HDGFL3: variants seen among roughly 807,000 people sequenced by gnomAD.
HDGFL3 encodes HDGF like 3, also known as hepatoma-derived growth factor-related protein 3.
In HDGFL3, 6 loss-of-function variants were observed where a neutral mutation model predicts 27.6. The ratio of observed to expected loss-of-function variants is 0.22; its 90% confidence interval spans 0.12 to 0.43. HDGFL3 has a LOEUF of 0.43. Ranked by LOEUF, HDGFL3 falls within the 20% of genes least tolerant of loss-of-function variation. The probability of loss-of-function intolerance (pLI) is 1.00; values close to 1 mark genes in which losing one functional copy is unlikely to be tolerated. For synonymous variants in HDGFL3, 88 were observed against 88.9 expected, an observed-to-expected ratio of 0.99 and a Z score of 0.05; for missense variants, 207 against 250.1, an observed-to-expected ratio of 0.83 and a Z score of 1.16.
At chr15:83,154,104 C>T (rs113265844) in intron 4 of HDGFL3, among the ~76,000 whole-genome samples, 6,861 of 151,206 alleles carry the variant, frequency 0.045, 213 homozygotes, top group Non-Finnish European at 0.069. Context: ...TGTTTGAGCT[C>T]AGGAGTTTGA....
intron 1 of HDGFL3, among the ~76,000 whole-genome samples, chr15:83,200,871 T>C (rs1235479639): frequency 6.6e-6 from 1 of 151,358 alleles, no homozygotes; most frequent in African/African-American, 2.4e-5. Context: ...TTTTTTTTTT[T>C]TTTTCACTTC....
chr15:83,118,262 C>T (rs2034882277), intron 3 of HDGFL3, among the ~76,000 whole-genome samples: 1 of 144,734 alleles, frequency 6.9e-6, no homozygotes, highest in Non-Finnish European at 1.5e-5. Context: ...CACACACACA[C>T]ACATACAGAG....
chr15:83,114,443 T>C (rs2034471111), exon 4 of HDGFL3: 1 of 152,272 alleles, frequency 6.6e-6, no homozygotes, highest in African/African-American at 2.4e-5. Context: ...CTTGGAGACA[T>C]ATGATGGCTA....
In HDGFL3 at chr15:83,136,567, A is replaced by G. The variant is rs1304884113; in HGVS notation, c.*2703T>C. ...CTGAAGAAGCAAAAATCCTTTTTTTAGCATTAAACATAGCATATGGAGTTC... is the reference window on the plus strand; with the variant it reads ...CTGAAGAAGCAAAAATCCTTTTTTTGGCATTAAACATAGCATATGGAGTTC... On this transcript the variant is annotated 3_prime_UTR_variant, in exon 6 of 6. Coordinates refer to ENST00000299633, the MANE Select transcript of HDGFL3 (RefSeq NM_016073.4). The G allele has an allele frequency of 1.2e-6, 2 of 1,613,658 alleles. No individual in the cohort carries two copies. Among genetic ancestry groups the G allele is most frequent in the South Asian group, 1.1e-5 (1 of 90,998 alleles).
chr15:83,168,602 A>T (rs2037201786), intron 1 of HDGFL3, among the ~76,000 whole-genome samples: 1 of 152,202 alleles, frequency 6.6e-6, no homozygotes. Context: ...TGAAACACGG[A>T]ACAGACCAAT....
intron 1 of HDGFL3, among the ~76,000 whole-genome samples, chr15:83,184,222 C>T (rs2037414083): frequency 6.6e-6 from 1 of 152,206 alleles, no homozygotes; most frequent in Admixed American, 6.5e-5. Context: ...TACATAAATA[C>T]TGCCAACTCT....
chr15:83,189,718 C>T (rs188824908), intron 1 of HDGFL3, among the ~76,000 whole-genome samples: 144 of 152,248 alleles, frequency 9.5e-4, no homozygotes, highest in African/African-American at 3.1e-3. Context: ...CCCTGGCACT[C>T]AGAACAGTAA....
chr15:83,182,263 A>G (rs1368818167), intron 1 of HDGFL3, among the ~76,000 whole-genome samples: 1 of 152,154 alleles, frequency 6.6e-6, no homozygotes, highest in Non-Finnish European at 1.5e-5. Context: ...TCATTTTAGT[A>G]GGCATGAAGT....
chr15:83,157,628 A>G, intron 3 of HDGFL3, 55 bp from the exon 4 acceptor site: 1 of 1,462,614 alleles, frequency 6.8e-7, no homozygotes, highest in Admixed American at 1.9e-5. Flanking sequence ...AGCAAAGAAC[A>G]AACACTGAAA....
intron 5 of HDGFL3, among the ~76,000 whole-genome samples, chr15:83,149,024 G>C (rs2036933703): frequency 6.6e-6 from 1 of 151,962 alleles, no homozygotes; most frequent in African/African-American, 2.4e-5. Context: ...TCACTTTATA[G>C]CTTTATAACC....
In HDGFL3 at chr15:83,137,223, T is replaced by C. The variant is rs1171129836; in HGVS notation, c.*2047A>G. ...AGAAAATTACTTTTACTAAATTTTT[T>C]TGTGTGAATTTAAACAGCTAAATAG... On this transcript the variant is annotated 3_prime_UTR_variant, in exon 6 of 6. Transcript: ENST00000299633. The C allele has an allele frequency of 6.6e-6, 1 of 152,228 alleles. No homozygotes were observed. The highest frequency in any genetic ancestry group is 1.5e-5 in the Non-Finnish European group (1 of 68,024). 9.4% of individuals were successfully genotyped at this position (152,228 alleles called of 1,614,324 possible).
rs1288882093 is a variant in HDGFL3, at chr15:83,137,277, T to C, written c.*1993A>G. The C allele has an allele frequency of 2.0e-5, 3 of 152,204 alleles. No homozygotes were observed. The highest frequency in any genetic ancestry group is 2.0e-4 in the Admixed American group (3 of 15,286). The allele number at this position is 152,204 out of a possible 1,614,324, so 9.4% of individuals were successfully genotyped here. A position where few individuals can be genotyped will look rare whatever the true frequency, so the allele number is the denominator to read the frequency against. ...TCAGTAACTTTATCTCTATCCTTAATGAACATTTGTTTTATTGGTGGCTGG... is the reference window on the plus strand; with the variant it reads ...TCAGTAACTTTATCTCTATCCTTAACGAACATTTGTTTTATTGGTGGCTGG... On this transcript the variant is annotated 3_prime_UTR_variant, in exon 6 of 6. Coordinates refer to ENST00000299633, the MANE Select transcript of HDGFL3 (RefSeq NM_016073.4).
At chr15:83,203,759 CAT>C (rs2037681210) in intron 1 of HDGFL3, among the ~76,000 whole-genome samples, 1 of 151,178 alleles carries the variant, frequency 6.6e-6, no homozygotes, top group Admixed American at 6.6e-5. Flanking sequence ...AATTTTAAAA[CAT>C]ATTGTTTTCA....
intron 5 of HDGFL3, among the ~76,000 whole-genome samples, chr15:83,148,808 A>G (rs574347046): frequency 2.9e-4 from 44 of 152,222 alleles, no homozygotes; most frequent in African/African-American, 1.0e-3. Context: ...AGTGAATGTT[A>G]TAAGTTTTTA....
chr15:83,157,337 A>G, intron 4 of HDGFL3, 78 bp downstream of exon 4: 1 of 1,389,316 alleles, frequency 7.2e-7, no homozygotes, highest in Non-Finnish European at 1.0e-6. Flanking sequence ...TGTACCCAAT[A>G]AACACATGGA....
intron 5 of HDGFL3, among the ~76,000 whole-genome samples, chr15:83,146,322 G>A (rs1596546527): frequency 6.6e-6 from 1 of 152,028 alleles, no homozygotes; most frequent in Non-Finnish European, 1.5e-5. Context: ...TAACACACAG[G>A]GCCATGGGTA....
At chr15:83,200,343 AAAAG>A (rs1439955632) in intron 1 of HDGFL3, among the ~76,000 whole-genome samples, 1 of 152,054 alleles carries the variant, frequency 6.6e-6, no homozygotes, top group African/African-American at 2.4e-5. Flanking sequence ...TCAAAAAAAA[AAAAG>A]AAAGAAAAAA....
intron 1 of HDGFL3, among the ~76,000 whole-genome samples, chr15:83,176,143 G>C (rs1320949295): frequency 6.6e-6 from 1 of 152,162 alleles, no homozygotes; most frequent in Non-Finnish European, 1.5e-5. Context: ...TGTGTGTCCT[G>C]TGTTTTCTTT....
Position 83,121,232 on chromosome 15 carries a change from A to T in HDGFL3, c.394-5491T>A, listed in dbSNP as rs140917511. Among the ~76,000 whole-genome samples, 1,409 of 149,660 alleles carry T rather than the reference A, an allele frequency of 9.4e-3. 13 individuals are homozygous for T. The highest frequency in any genetic ancestry group is 0.016 in the Non-Finnish European group (1,073 of 67,496). On this transcript the variant is annotated intron_variant, in intron 3 of 3. Transcript: ENST00000568294. Reference sequence around the variant, plus strand: ...ATTACAGGTGCATGCCACCATGCCCAGCTAATTTTTTTTTTTTTTTTGTAC... The same window carrying T: ...ATTACAGGTGCATGCCACCATGCCCTGCTAATTTTTTTTTTTTTTTTGTAC...
Sources: allele counts gnomAD v4.1 joint callset (sites outside exome capture counted in the v4.1 genomes callset), GRCh38; gene constraint gnomAD v4.1.1; transcripts MANE v1.5; gene names NCBI Gene and HGNC (gene_info 2026-07-23, HGNC 2026-07-21).